Variants in MARCHF7 observed in about 807,000 individuals in gnomAD.
MARCHF7 encodes membrane associated ring-CH-type finger 7.
Under a neutral mutation model 76.5 loss-of-function variants are expected in MARCHF7, and 20 were observed. The observed-to-expected ratio is 0.26, with a 90% CI of 0.18 to 0.38. The LOEUF (loss-of-function observed/expected upper bound fraction) is 0.38. Among genes scored for constraint, MARCHF7 ranks in the 10% least tolerant of loss-of-function variants. The probability of loss-of-function intolerance (pLI) is 1.00; values close to 1 mark genes in which losing one functional copy is unlikely to be tolerated. For missense variants in MARCHF7, 797 were observed against 812.9 expected (o/e 0.98, Z 0.24); for synonymous variants, 295 against 293.0 (o/e 1.01, Z -0.07).
intron 4 of MARCHF7, among the ~76,000 whole-genome samples, chr2:159,735,074 T>G (rs1467695359): frequency 2.0e-5 from 3 of 152,220 alleles, no homozygotes; most frequent in Non-Finnish European, 4.4e-5. Flanking sequence ...TTCTTCTGCA[T>G]TGGTGTGGAG....
chr2:159,733,119 A>T, intron 4 of MARCHF7: 1 of 664,948 alleles, frequency 1.5e-6, no homozygotes, highest in Non-Finnish European at 1.9e-6. Context: ...TCCTGGCTTT[A>T]CATTGGTTTA....
intron 8 of MARCHF7, among the ~76,000 whole-genome samples, chr2:159,754,360 A>G (rs766786145): frequency 6.6e-6 from 1 of 152,208 alleles, no homozygotes; most frequent in Non-Finnish European, 1.5e-5. Context: ...GAGGTCAGGT[A>G]AAATGAGAAG....
chr2:159,748,439 A>G lies in MARCHF7; in HGVS notation c.1149A>G (p.Gly383=), dbSNP rs777837904. ...AAGAATCTGAAGGTAGAAATACAGG[A>G]CCATGGTTATCTTCCTCACTTAGAA... ...FNQESEGRNT[G]PWLSSSLRNR... Residue 383 remains glycine (G), a synonymous_variant, in exon 7 of 12, where the codon GGA becomes GGG. Transcript: ENST00000409175. 59 of 1,614,134 alleles carry G rather than the reference A, an allele frequency of 3.7e-5. 1 individual carries two copies. The highest frequency in any genetic ancestry group is 3.1e-4 in the South Asian group (28 of 91,080).
At chr2:159,765,522 C>CT (rs1468911434) in intron 11 of MARCHF7, among the ~76,000 whole-genome samples, 3 of 152,146 alleles carry the variant, frequency 2.0e-5, no homozygotes, top group Non-Finnish European at 4.4e-5. Context: ...TTCCAAAACA[C>CT]TATCCAAAGT....
intron 4 of MARCHF7, among the ~76,000 whole-genome samples, chr2:159,741,307 T>G (rs956823616): frequency 3.3e-5 from 5 of 152,106 alleles, no homozygotes; most frequent in Non-Finnish European, 7.3e-5. Context: ...GCTGTGATTG[T>G]GCCACTGCAC....
At chr2:159,732,897 C>G in intron 4 of MARCHF7, 3 of 985,110 alleles carry the variant, frequency 3.0e-6, no homozygotes, top group Non-Finnish European at 3.6e-6. Context: ...CTTCATACAG[C>G]CACATCTATA....
chr2:159,755,535 G>A (rs1706188102), intron 8 of MARCHF7, among the ~76,000 whole-genome samples: 1 of 152,062 alleles, frequency 6.6e-6, no homozygotes, highest in African/African-American at 2.4e-5. Flanking sequence ...GGACTGTGGG[G>A]ATAAAATGGC....
chr2:159,717,195 A>G (rs1057350146), intron 3 of MARCHF7, among the ~76,000 whole-genome samples: 6 of 151,956 alleles, frequency 3.9e-5, no homozygotes, highest in African/African-American at 1.2e-4. Flanking sequence ...GTCACAGTCC[A>G]TTCTCTTAGT....
intron 3 of MARCHF7, among the ~76,000 whole-genome samples, chr2:159,721,624 T>C (rs1480224841): frequency 6.6e-6 from 1 of 152,166 alleles, no homozygotes; most frequent in East Asian, 1.9e-4. Flanking sequence ...GTGTGTGGCT[T>C]TGTAGCTAAT....
Position 159,742,384 on chromosome 2 carries a change from T to G in MARCHF7, c.154-677T>G, listed in dbSNP as rs546949567. 3.0e-4 allele frequency among the ~76,000 whole-genome samples: 45 copies of G among 152,260 alleles called. No homozygotes were observed. In the South Asian group the frequency reaches 8.7e-3, roughly 30 times the overall value. On this transcript the variant is annotated intron_variant, in intron 4 of 11. Coordinates refer to ENST00000409175, the MANE Select transcript of MARCHF7 (RefSeq NM_001282805.2). ...ATGGTAGGGTAATTCACAGTTTCTT[T>G]ATAGCTTAGTGTTCTGTCTACCTCT...
intron 4 of MARCHF7, among the ~76,000 whole-genome samples, chr2:159,741,895 G>GT (rs1704169931): frequency 6.6e-6 from 1 of 151,870 alleles, no homozygotes; most frequent in African/African-American, 2.4e-5. Flanking sequence ...GTGTTTCTTA[G>GT]TTTATCTGTG....
intron 10 of MARCHF7, 64 bp from the exon 11 acceptor site, chr2:159,764,562 G>T (rs1707532154): frequency 7.7e-7 from 1 of 1,305,338 alleles, no homozygotes; most frequent in South Asian, 1.4e-5. Flanking sequence ...CTCCTATACT[G>T]ATTCTCTCTT....
In MARCHF7 at chr2:159,747,750, AAAT is replaced by A. The variant is rs1705081621; in HGVS notation, c.515-48_515-46del. ...TTTTGGCATTCAACATAATAAATGC[AAAT>A]AATAATGCTCAAATTATTTCATGTA... On this transcript the variant is annotated intron_variant, in intron 6 of 11. Coordinates refer to ENST00000409175, the MANE Select transcript of MARCHF7 (RefSeq NM_001282805.2). 6.7e-6 allele frequency: 10 copies of A among 1,500,996 alleles called. No individual in the cohort carries two copies. The South Asian group carries it at 1.1e-4, about 17-fold the overall frequency. 93.0% of individuals were successfully genotyped at this position (1,500,996 alleles called of 1,614,324 possible). A position where few individuals can be genotyped will look rare whatever the true frequency, so the allele number is the denominator to read the frequency against.
At chr2:159,724,822 T>A (rs529823044) in intron 3 of MARCHF7, among the ~76,000 whole-genome samples, 102 of 152,172 alleles carry the variant, frequency 6.7e-4, no homozygotes, top group Non-Finnish European at 1.2e-3. Flanking sequence ...CTTAATGCCA[T>A]CCTTCCCCCT....
chr2:159,747,802 T>C lies in MARCHF7; in HGVS notation c.515-3T>C, dbSNP rs1705089241. ...TAATTGGTTATCTTCCTTTCAAAAA[T>C]AGATGTTCAAGACAGAGTTCCTTCA... On this transcript the variant is annotated splice_polypyrimidine_tract_variant and splice_region_variant and intron_variant, in intron 6 of 11. Transcript: ENST00000409175. 3 of 1,552,632 alleles carry C rather than the reference T, an allele frequency of 1.9e-6. No homozygotes were observed. The highest frequency in any genetic ancestry group is 2.6e-6 in the Non-Finnish European group (3 of 1,154,090).
intron 4 of MARCHF7, among the ~76,000 whole-genome samples, chr2:159,740,723 C>T (rs906139650): frequency 2.6e-5 from 4 of 152,180 alleles, no homozygotes; most frequent in African/African-American, 9.7e-5. Context: ...ATGCCATTAT[C>T]AATTTACAAA....
chr2:159,736,564 ATTTT>A (rs1210233451), intron 4 of MARCHF7, among the ~76,000 whole-genome samples: 3 of 151,874 alleles, frequency 2.0e-5, no homozygotes, highest in African/African-American at 7.3e-5. Flanking sequence ...AAGTTTTTTT[ATTTT>A]TTTAATTGCA....
chr2:159,761,128 C>T (rs1189972758), intron 9 of MARCHF7, among the ~76,000 whole-genome samples: 5 of 150,530 alleles, frequency 3.3e-5, no homozygotes, highest in East Asian at 2.0e-4. Flanking sequence ...TGAGTTTAAG[C>T]GATTCTCTTG....
chr2:159,745,603 C>T (rs1442414769), intron 5 of MARCHF7, among the ~76,000 whole-genome samples, 167 bp from the exon 6 acceptor site: 2 of 152,168 alleles, frequency 1.3e-5, no homozygotes, highest in Admixed American at 1.3e-4. Flanking sequence ...TTGCTGTGAG[C>T]TGAGATCGTG....
Sources: allele counts gnomAD v4.1 joint callset (sites outside exome capture counted in the v4.1 genomes callset), GRCh38; gene constraint gnomAD v4.1.1; transcripts MANE v1.5; gene names NCBI Gene and HGNC (gene_info 2026-07-23, HGNC 2026-07-21).